PITPNC1: variants seen among roughly 807,000 people sequenced by gnomAD.
PITPNC1 encodes phosphatidylinositol transfer protein cytoplasmic 1, also known as cytoplasmic phosphatidylinositol transfer protein 1.
In PITPNC1, 18 loss-of-function variants were observed where a neutral mutation model predicts 44.7. That is an observed-to-expected ratio of 0.40 (90% confidence interval 0.28 to 0.60). The LOEUF is 0.60. Ranked by LOEUF, PITPNC1 falls within the 20% of genes least tolerant of loss-of-function variation. The pLI is 0.39. For missense variants in PITPNC1, 290 were observed against 418.4 expected (o/e 0.69, Z 2.68); for synonymous variants, 141 against 149.6 (o/e 0.94, Z 0.42).
chr17:67,687,406 G>A (rs151244677), intron 8 of PITPNC1, among the ~76,000 whole-genome samples: 281 of 152,188 alleles, frequency 1.8e-3, no homozygotes, highest in African/African-American at 6.4e-3. Flanking sequence ...AGGTTATTTC[G>A]GTCATAAAAC....
At chr17:67,446,787 C>T (rs570045036) in intron 1 of PITPNC1, among the ~76,000 whole-genome samples, 9 of 151,814 alleles carry the variant, frequency 5.9e-5, no homozygotes, top group East Asian at 5.8e-4. Context: ...CGAAGCACAT[C>T]CTAAGAATGA....
At chr17:67,499,060 G>A (rs1031575553) in intron 1 of PITPNC1, among the ~76,000 whole-genome samples, 1 of 151,692 alleles carries the variant, frequency 6.6e-6, no homozygotes, top group Non-Finnish European at 1.5e-5. Flanking sequence ...TTTTAACAGA[G>A]ACAGAGTTTC....
chr17:67,377,495 AGCGGCG>A lies in PITPNC1; in HGVS notation c.-645_-640del, dbSNP rs556409374. The A allele has an allele frequency of 2.6e-5, 4 of 153,796 alleles. No individual in the cohort carries two copies. The highest frequency in any genetic ancestry group is 4.4e-5 in the Non-Finnish European group (3 of 68,948). The allele number at this position is 153,796 out of a possible 1,614,324, so 9.5% of individuals were successfully genotyped here. A position where few individuals can be genotyped will look rare whatever the true frequency, so the allele number is the denominator to read the frequency against. The stretch of plus-strand genomic sequence containing the variant: ...CCGGGGCCCCAGCCGGGCAGAGCCG[AGCGGCG>A]GCGGCGGCGGCGGCTTCCCTTTTCT... On this transcript the variant is annotated 5_prime_UTR_variant, in exon 1 of 9. Coordinates refer to ENST00000581322, the MANE Select transcript of PITPNC1 (RefSeq NM_012417.4).
At chr17:67,535,740 A>G (rs1314888883) in intron 2 of PITPNC1, among the ~76,000 whole-genome samples, 1 of 152,206 alleles carries the variant, frequency 6.6e-6, no homozygotes, top group Non-Finnish European at 1.5e-5. Flanking sequence ...CAAAACAAAG[A>G]AAGGGAAATC....
chr17:67,383,469 G>C (rs1455152389), intron 1 of PITPNC1, among the ~76,000 whole-genome samples: 1 of 152,116 alleles, frequency 6.6e-6, no homozygotes, highest in East Asian at 1.9e-4. Context: ...AGGTGGCTGG[G>C]GACTCCAACC....
chr17:67,669,686 C>T (rs1419879529), intron 7 of PITPNC1, 23 bp downstream of exon 7: 1 of 1,552,934 alleles, frequency 6.4e-7, no homozygotes, highest in South Asian at 1.2e-5. Context: ...ACAGCAGTTC[C>T]TGGGCTGTGG....
chr17:67,456,270 T>C (rs1382829547), intron 1 of PITPNC1, among the ~76,000 whole-genome samples: 3 of 152,224 alleles, frequency 2.0e-5, no homozygotes, highest in Non-Finnish European at 4.4e-5. Context: ...TTCTAATGTC[T>C]CTACTTTTAA....
At chr17:67,479,187 C>T (rs550050284) in intron 1 of PITPNC1, among the ~76,000 whole-genome samples, 59 of 152,324 alleles carry the variant, frequency 3.9e-4, no homozygotes, top group African/African-American at 1.2e-3. Context: ...CACTGCCTCC[C>T]TGCCTTTTTG....
intron 6 of PITPNC1, among the ~76,000 whole-genome samples, chr17:67,668,629 C>T (rs968151707): frequency 2.6e-5 from 4 of 151,932 alleles, no homozygotes; most frequent in Non-Finnish European, 5.9e-5. Context: ...TTTGGGAGGC[C>T]GAGGCGGGCA....
intron 5 of PITPNC1, among the ~76,000 whole-genome samples, chr17:67,631,401 G>A (rs1598909106): frequency 6.8e-6 from 1 of 146,218 alleles, no homozygotes; most frequent in East Asian, 2.0e-4. Context: ...AGGCTGAGGC[G>A]GGCGGATCAC....
At chr17:67,681,804 T>C (rs186863252) in intron 8 of PITPNC1, among the ~76,000 whole-genome samples, 31 of 152,194 alleles carry the variant, frequency 2.0e-4, no homozygotes, top group Non-Finnish European at 4.0e-4. Context: ...TATCCAGTTT[T>C]CAATATAAAA....
At chr17:67,632,392 A>T in intron 6 of PITPNC1, 154 bp downstream of exon 6, 1 of 615,320 alleles carries the variant, frequency 1.6e-6, no homozygotes, top group Non-Finnish European at 2.9e-6. Context: ...CAAGTCTCAA[A>T]ATTAAGTCTC....
chr17:67,424,824 T>C (rs1285209802), intron 1 of PITPNC1, among the ~76,000 whole-genome samples: 1 of 151,910 alleles, frequency 6.6e-6, no homozygotes, highest in East Asian at 1.9e-4. Flanking sequence ...GTGTCAGGCC[T>C]CTCAGCCCAA....
intron 1 of PITPNC1, among the ~76,000 whole-genome samples, chr17:67,513,749 C>T (rs558089169): frequency 1.3e-5 from 2 of 152,022 alleles, no homozygotes; most frequent in Non-Finnish European, 2.9e-5. Flanking sequence ...TTGTTGAATT[C>T]TCTTTGACCT....
intron 8 of PITPNC1, among the ~76,000 whole-genome samples, chr17:67,677,917 A>C (rs2042632259): frequency 6.6e-6 from 1 of 150,614 alleles, no homozygotes; most frequent in Admixed American, 6.6e-5. Flanking sequence ...AAAAATTGAA[A>C]GAAAAAAAAA....
intron 6 of PITPNC1, among the ~76,000 whole-genome samples, chr17:67,646,730 G>A (rs2042154293): frequency 6.6e-6 from 1 of 152,080 alleles, no homozygotes; most frequent in Admixed American, 6.6e-5. Context: ...GGATCTTGCA[G>A]TGTTGCCTAG....
chr17:67,618,365 A>AC (rs1431299402), intron 5 of PITPNC1, among the ~76,000 whole-genome samples: 17 of 5,682 alleles, frequency 3.0e-3, no homozygotes, highest in Non-Finnish European at 4.6e-3. Flanking sequence ...ACTCCGTCTC[A>AC]AAAAAAAAAA....
intron 6 of PITPNC1, among the ~76,000 whole-genome samples, chr17:67,649,442 G>T (rs1204595945): frequency 6.6e-6 from 1 of 152,218 alleles, no homozygotes; most frequent in Non-Finnish European, 1.5e-5. Flanking sequence ...TTAGTAGCTT[G>T]CTTATGAGAA....
intron 2 of PITPNC1, among the ~76,000 whole-genome samples, chr17:67,539,065 T>A (rs1248562347): frequency 6.6e-6 from 1 of 151,134 alleles, no homozygotes; most frequent in African/African-American, 2.4e-5. Context: ...AATATAAACA[T>A]GAAAAAAATT....
Sources: allele counts gnomAD v4.1 joint callset (sites outside exome capture counted in the v4.1 genomes callset), GRCh38; gene constraint gnomAD v4.1.1; transcripts MANE v1.5; gene names NCBI Gene and HGNC (gene_info 2026-07-23, HGNC 2026-07-21).